CLASP1: variants seen among roughly 807,000 people sequenced by gnomAD.
CLASP1 encodes cytoplasmic linker associated protein 1.
In CLASP1, 38 loss-of-function variants were observed where a neutral mutation model predicts 192.3. That is an observed-to-expected ratio of 0.20 (90% CI 0.15 to 0.26). The LOEUF (loss-of-function observed/expected upper bound fraction) is 0.26. Among genes scored for constraint, CLASP1 ranks in the 10% least tolerant of loss-of-function variants. CLASP1 has a pLI of 1.00. For synonymous variants in CLASP1, 691 were observed against 712.8 expected (o/e 0.97, Z 0.49); for missense variants, 1,433 against 1,932.5 (o/e 0.74, Z 4.85).
intron 37 of CLASP1, among the ~76,000 whole-genome samples, chr2:121,349,438 A>G (rs185765604): frequency 6.6e-6 from 1 of 152,256 alleles, no homozygotes; most frequent in East Asian, 1.9e-4. Context: ...TTCTAGACAC[A>G]CTAAAATTGG....
At chr2:121,496,258 T>C (rs1180475337) in intron 8 of CLASP1, among the ~76,000 whole-genome samples, 1 of 152,162 alleles carries the variant, frequency 6.6e-6, no homozygotes, top group Non-Finnish European at 1.5e-5. Context: ...AAGACACAGA[T>C]CATTTAATAG....
chr2:121,364,854 TC>T, intron 36 of CLASP1: 1 of 531,746 alleles, frequency 1.9e-6, no homozygotes, highest in Middle Eastern at 3.2e-4. Flanking sequence ...TGAAGTTTCC[TC>T]AACTACTATA....
chr2:121,608,992 G>A (rs1450060508), intron 1 of CLASP1, among the ~76,000 whole-genome samples: 6 of 152,252 alleles, frequency 3.9e-5, no homozygotes, highest in South Asian at 2.1e-4. Flanking sequence ...AGGTGTTAAC[G>A]TCCTTATTTA....
chr2:121,537,002 G>A (rs552119112), intron 2 of CLASP1, among the ~76,000 whole-genome samples: 2 of 152,288 alleles, frequency 1.3e-5, no homozygotes, highest in East Asian at 3.9e-4. Context: ...TATGAAGCTT[G>A]TGTTATGGGG....
At chr2:121,643,560 T>C (rs1055591606) in intron 1 of CLASP1, among the ~76,000 whole-genome samples, 1 of 152,272 alleles carries the variant, frequency 6.6e-6, no homozygotes, top group African/African-American at 2.4e-5. Flanking sequence ...AGATTATGAC[T>C]GTAAAAGTGC....
intron 2 of CLASP1, among the ~76,000 whole-genome samples, chr2:121,543,755 A>C (rs1041344889): frequency 2.0e-5 from 3 of 152,122 alleles, no homozygotes; most frequent in African/African-American, 7.2e-5. Flanking sequence ...CTTTATATGC[A>C]TACTAAGTAA....
intron 16 of CLASP1, among the ~76,000 whole-genome samples, chr2:121,450,574 T>C (rs1470049520): frequency 6.6e-6 from 1 of 152,196 alleles, no homozygotes; most frequent in African/African-American, 2.4e-5. Flanking sequence ...AGATTTTTCA[T>C]GGTAAATCAT....
At chr2:121,495,641 A>G (rs944260829) in intron 8 of CLASP1, among the ~76,000 whole-genome samples, 1 of 152,232 alleles carries the variant, frequency 6.6e-6, no homozygotes, top group African/African-American at 2.4e-5. Flanking sequence ...AGCCTGGGCA[A>G]CAAGAGCAAA....
rs146354703 is a variant in CLASP1, at chr2:121,573,205, C to G, written c.195+32496G>C. Among the ~76,000 whole-genome samples, 1,264 of 152,246 alleles carry G rather than the reference C, an allele frequency of 8.3e-3. 15 individuals are homozygous for G. The highest frequency in any genetic ancestry group is 0.028 in the African/African-American group (1,168 of 41,550). Reference sequence around the variant, plus strand: ...GAACTCCTGACCTCAGGTGATTCACCCACCTCAGCCTCCCCAAGTGCTGGG... The same window carrying G: ...GAACTCCTGACCTCAGGTGATTCACGCACCTCAGCCTCCCCAAGTGCTGGG... On this transcript the variant is annotated intron_variant, in intron 2 of 39. Coordinates refer to ENST00000263710, the Ensembl canonical transcript of CLASP1.
chr2:121,447,367 C>G (rs569748710), exon 19 of CLASP1: 2 of 1,590,376 alleles, frequency 1.3e-6, no homozygotes, highest in Non-Finnish European at 1.7e-6. Context: ...GGAGGCAAAG[C>G]TGCTGCAGAG....
At chr2:121,581,904 C>T (rs2061213278) in intron 2 of CLASP1, among the ~76,000 whole-genome samples, 2 of 151,358 alleles carry the variant, frequency 1.3e-5, no homozygotes, top group Admixed American at 1.3e-4. Flanking sequence ...AAGAAAAGTC[C>T]AGGCACAGTG....
chr2:121,597,355 T>G (rs2063260404), intron 2 of CLASP1, among the ~76,000 whole-genome samples: 1 of 152,152 alleles, frequency 6.6e-6, no homozygotes, highest in African/African-American at 2.4e-5. Flanking sequence ...TGTACAGTAT[T>G]AAATACAGGT....
At chr2:121,367,813 C>A (rs778562546) in exon 35 of CLASP1, 8 of 1,613,148 alleles carry the variant, frequency 5.0e-6, no homozygotes, top group South Asian at 2.2e-5. Context: ...GGGGAGGCAG[C>A]GCCCCCATCG....
chr2:121,426,337 T>C (rs938163996), intron 21 of CLASP1, among the ~76,000 whole-genome samples: 1 of 152,014 alleles, frequency 6.6e-6, no homozygotes, highest in African/African-American at 2.4e-5. Flanking sequence ...GATCTAATAA[T>C]CACAAACCTT....
chr2:121,469,941 T>C (rs2090369110), exon 9 of CLASP1: 2 of 1,610,690 alleles, frequency 1.2e-6, no homozygotes, highest in Non-Finnish European at 1.7e-6. Context: ...CCACAGAATC[T>C]TCATCGTCGA....
At chr2:121,564,196 C>T (rs1262533658) in intron 2 of CLASP1, among the ~76,000 whole-genome samples, 1 of 152,140 alleles carries the variant, frequency 6.6e-6, no homozygotes, top group Non-Finnish European at 1.5e-5. Context: ...GAGGAATTCA[C>T]TGATTAGCTA....
At chr2:121,512,230 C>T (rs1328315640) in intron 7 of CLASP1, among the ~76,000 whole-genome samples, 1 of 152,136 alleles carries the variant, frequency 6.6e-6, no homozygotes. Context: ...ACATAAGTGA[C>T]CTTTTTCCCA....
At chr2:121,647,066 A>T (rs1239158672) in intron 1 of CLASP1, among the ~76,000 whole-genome samples, 2 of 150,262 alleles carry the variant, frequency 1.3e-5, no homozygotes, top group African/African-American at 2.5e-5. Flanking sequence ...AAAAATCTAA[A>T]TCTAAAACCA....
chr2:121,490,837 C>T (rs1394691887), intron 8 of CLASP1, among the ~76,000 whole-genome samples: 1 of 152,144 alleles, frequency 6.6e-6, no homozygotes, highest in Non-Finnish European at 1.5e-5. Context: ...AACCACTATC[C>T]CAAACCTTGT....
Sources: gnomAD v4.1 joint callset for allele counts (sites outside exome capture counted in the v4.1 genomes callset) on GRCh38, gnomAD v4.1.1 for gene constraint, MANE v1.5 for transcripts, NCBI Gene and HGNC (gene_info 2026-07-23, HGNC 2026-07-21) for gene names.